The following KDM1A variants were observed in gnomAD, a reference collection of about 807,000 sequenced individuals.
KDM1A encodes the protein lysine demethylase 1A.
KDM1A carries 49 observed loss-of-function variants against 109.4 expected under a neutral mutation model. The ratio of observed to expected loss-of-function variants is 0.45; its 90% CI spans 0.36 to 0.57. The LOEUF is 0.57. Among genes scored for constraint, KDM1A ranks in the 20% least tolerant of loss-of-function variants. The probability of loss-of-function intolerance (pLI) is 0.00; values close to 1 mark genes in which losing one functional copy is unlikely to be tolerated. For missense variants in KDM1A, 668 were observed against 1,116.6 expected, an observed-to-expected ratio of 0.60 and a Z score of 5.73; for synonymous variants, 380 against 415.4, an observed-to-expected ratio of 0.91 and a Z score of 1.04.
intron 1 of KDM1A, among the ~76,000 whole-genome samples, chr1:23,029,755 T>A (rs1641920304): frequency 6.6e-6 from 1 of 152,228 alleles, no homozygotes; most frequent in Non-Finnish European, 1.5e-5. Context: ...TTCTCCTGCC[T>A]CAGCCTCCCG....
In KDM1A at chr1:23,082,892, T is replaced by C. The variant is rs914986190; in HGVS notation, c.2446-287T>C. The C allele has an allele frequency of 4.1e-5, 11 of 269,010 alleles. No individual in the cohort carries two copies. The South Asian group carries it at 7.6e-4, about 19-fold the overall frequency. 16.7% of individuals were successfully genotyped at this position (269,010 alleles called of 1,614,324 possible). A position where few individuals can be genotyped will look rare whatever the true frequency, so the allele number is the denominator to read the frequency against. Reference sequence around the variant, plus strand: ...GCGAGGCTCCCTCCCAGAAGGTAGTTATACATGAGGGAAGGACGCTTTACA... The same window carrying C: ...GCGAGGCTCCCTCCCAGAAGGTAGTCATACATGAGGGAAGGACGCTTTACA... On this transcript the variant is annotated intron_variant, in intron 20 of 20. Transcript: ENST00000400181.
rs1207497235 is a variant in KDM1A, at chr1:23,079,245, G to A, written c.2055+68G>A. On this transcript the variant is annotated intron_variant, in intron 17 of 20. Transcript: ENST00000400181. This position sits in a 1 kb window ranked among gnomAD's most constrained non-coding sequence, Gnocchi z 5.6. ...AATAGCAGTCTTCGTTGTTTACTTG[G>A]TGAGGAGGTGGCCTTGCATTTTTGG... 9.3e-6 allele frequency: 14 copies of A among 1,512,440 alleles called. No homozygotes were observed. The highest frequency in any genetic ancestry group is 4.5e-6 in the Non-Finnish European group (5 of 1,111,510). The allele number at this position is 1,512,440 out of a possible 1,614,324, so 93.7% of individuals were successfully genotyped here.
intron 18 of KDM1A, among the ~76,000 whole-genome samples, chr1:23,080,495 T>G (rs935269599): frequency 1.3e-5 from 2 of 152,224 alleles, no homozygotes; most frequent in Non-Finnish European, 2.9e-5. Context: ...TATTCCTGCT[T>G]CTTTTAGTGA....
At chr1:23,081,290 G>A (rs1643613973) in intron 18 of KDM1A, 156 bp from the exon 19 acceptor site, 2 of 852,192 alleles carry the variant, frequency 2.3e-6, no homozygotes, top group East Asian at 5.2e-5. Context: ...TCTGTATGCT[G>A]TTTCAGAAAC....
intron 3 of KDM1A, among the ~76,000 whole-genome samples, chr1:23,045,095 T>C (rs182350799): frequency 6.6e-6 from 1 of 152,326 alleles, no homozygotes; most frequent in East Asian, 1.9e-4. Flanking sequence ...TTTTTACTTC[T>C]AGGAAAAAGT....
chr1:23,046,444 ATCTAGT>A (rs928537820), intron 3 of KDM1A, among the ~76,000 whole-genome samples: 9 of 152,170 alleles, frequency 5.9e-5, no homozygotes, highest in Non-Finnish European at 1.3e-4. Flanking sequence ...CACGCTAGAA[ATCTAGT>A]TATAGTTATC....
chr1:23,032,168 G>T (rs1296587658), intron 2 of KDM1A, among the ~76,000 whole-genome samples: 1 of 151,816 alleles, frequency 6.6e-6, no homozygotes, highest in Admixed American at 6.6e-5. Context: ...CTCAAGAGTG[G>T]GCTGACTTCT....
In KDM1A at chr1:23,019,834, T is replaced by C; in HGVS notation, c.238T>C (p.Ser80Pro). The change falls in exon 1 of 21, where the codon TCC (serine) becomes CCC (proline). Residue 80 changes from serine (S) to proline (P), a missense_variant. Physicochemically the swap from Ser to Pro is moderately conservative, Grantham distance 74. Transcript: ENST00000400181. ...CGGGGGCCTGGCGGAACCGCCGGGG[T>C]CCGCAGGGCCTCAGGCCGGCCCTAC... ...PPGGLAEPPG[S>P]AGPQAGPTVV... 6.2e-6 allele frequency: 9 copies of C among 1,441,170 alleles called. No individual in the cohort carries two copies. Among genetic ancestry groups the C allele is most frequent in the Non-Finnish European group, 8.2e-6 (9 of 1,099,164 alleles). The allele number at this position is 1,441,170 out of a possible 1,614,324, so 89.3% of individuals were successfully genotyped here.
rs150672058 is a variant in KDM1A at position 23,054,731 on chromosome 1, A to C, written c.791-338A>C. On this transcript the variant is annotated intron_variant, in intron 5 of 20. Transcript: ENST00000400181. Reference sequence around the variant, plus strand: ...AGCTAGGAACTCCTGGGCTCAGGTGATCCTCCTTCCTCAGCCCCCCAAGTA... The same window carrying C: ...AGCTAGGAACTCCTGGGCTCAGGTGCTCCTCCTTCCTCAGCCCCCCAAGTA... 4.8e-3 allele frequency among the ~76,000 whole-genome samples: 736 copies of C among 152,126 alleles called. 4 individuals carry two copies. Among genetic ancestry groups the C allele is most frequent in the African/African-American group, 0.017 (706 of 41,480 alleles).
intron 3 of KDM1A, among the ~76,000 whole-genome samples, chr1:23,046,470 T>A (rs1468956828): frequency 6.6e-6 from 1 of 152,180 alleles, no homozygotes; most frequent in Non-Finnish European, 1.5e-5. Flanking sequence ...CTACTTGATA[T>A]AAAAAATTAA....
rs1226012241 is a variant in KDM1A at position 23,050,633 on chromosome 1, C to CTAT, written c.711+119_711+121dup. On this transcript the variant is annotated intron_variant, in intron 4 of 20. Coordinates refer to ENST00000400181, the MANE Select transcript of KDM1A (RefSeq NM_001009999.3). ...AAGAATTCTAAAATTATCTATAATA[C>CTAT]TATTATTACCCAGAGATAACCTTTG... 26 of 790,378 alleles carry CTAT rather than the reference C, an allele frequency of 3.3e-5. No individual in the cohort carries two copies. The East Asian group carries it at 4.7e-4, about 14-fold the overall frequency. The allele number at this position is 790,378 out of a possible 1,614,324, so 49.0% of individuals were successfully genotyped here.
At chr1:23,074,290 G>T (rs371837460) in intron 15 of KDM1A, among the ~76,000 whole-genome samples, 1 of 152,174 alleles carries the variant, frequency 6.6e-6, no homozygotes, top group African/African-American at 2.4e-5. Flanking sequence ...AAGTCTGATT[G>T]TCTGCTTGTT....
intron 10 of KDM1A, among the ~76,000 whole-genome samples, chr1:23,066,686 T>C (rs961898600): frequency 6.6e-6 from 1 of 152,158 alleles, no homozygotes; most frequent in Admixed American, 6.5e-5. Flanking sequence ...ACTTTTATAC[T>C]CCAGGAAAAG....
chr1:23,053,700 A>G (rs1002944582), intron 4 of KDM1A, 61 bp from the exon 5 acceptor site: 9 of 1,160,788 alleles, frequency 7.8e-6, no homozygotes, highest in Admixed American at 1.8e-5. Context: ...GATGATTTTA[A>G]AGATAGTCAA....
chr1:23,072,233 CTT>C, intron 14 of KDM1A, 36 bp downstream of exon 14: 1 of 1,439,908 alleles, frequency 6.9e-7, no homozygotes, highest in Non-Finnish European at 9.7e-7. Flanking sequence ...AGAGGGAGAG[CTT>C]TTACTGTTCT....
At position 23,083,214 on chromosome 1, in the gene KDM1A, G is replaced by A. The variant is rs1174750353; in HGVS notation, c.2481G>A (p.Thr827=). ...IPRLFFAGEH[T]IRNYPATVHG... Reference sequence around the variant, plus strand: ...GACTCTTCTTTGCGGGAGAACATACGATCCGTAACTACCCAGCCACAGTGC... The same window carrying A: ...GACTCTTCTTTGCGGGAGAACATACAATCCGTAACTACCCAGCCACAGTGC... The change falls in exon 21 of 21, where the codon ACG becomes ACA. Residue 827 remains threonine (T), a synonymous_variant. Transcript: ENST00000400181. 1.3e-5 allele frequency: 21 copies of A among 1,613,026 alleles called. No homozygotes were observed. The highest frequency in any genetic ancestry group is 1.7e-5 in the Admixed American group (1 of 59,942).
chr1:23,080,213 C>T (rs2124548349), intron 18 of KDM1A, among the ~76,000 whole-genome samples: 1 of 152,240 alleles, frequency 6.6e-6, no homozygotes, highest in South Asian at 2.1e-4. Context: ...GCTCCCCATC[C>T]CCAGTTCTTT....
At chr1:23,026,400 T>TG (rs1440697970) in intron 1 of KDM1A, among the ~76,000 whole-genome samples, 8 of 151,902 alleles carry the variant, frequency 5.3e-5, no homozygotes, top group African/African-American at 1.5e-4. Context: ...GTTTGTTTTT[T>TG]TTTTTTTGAG....
chr1:23,044,957 G>C (rs1403725351), intron 3 of KDM1A, among the ~76,000 whole-genome samples: 1 of 152,150 alleles, frequency 6.6e-6, no homozygotes, highest in African/African-American at 2.4e-5. Flanking sequence ...ACAGGGTATT[G>C]GGTACCTTTT....
Sources: gnomAD v4.1 joint callset for allele counts (sites outside exome capture counted in the v4.1 genomes callset) on GRCh38, gnomAD v4.1.1 for gene constraint, Gnocchi (gnomAD v3.1) non-coding constraint, MANE v1.5 for transcripts, NCBI Gene and HGNC (gene_info 2026-07-23, HGNC 2026-07-21) for gene names.